The following CSPP1 variants were observed in gnomAD, a reference collection of about 807,000 sequenced individuals.
CSPP1 encodes the protein centrosome and spindle pole associated protein 1, also known as centrosome and spindle pole-associated protein 1.
Under a neutral mutation model 164.4 loss-of-function variants are expected in CSPP1, and 126 were observed. The observed-to-expected ratio is 0.77, with a 90% confidence interval of 0.66 to 0.89. The LOEUF is 0.89. CSPP1 is among the 40% of genes least tolerant of loss of function. CSPP1 has a pLI of 0.00. For missense variants in CSPP1, 1,395 were observed against 1,449.8 expected (o/e 0.96, Z 0.61); for synonymous variants, 472 against 476.7 (o/e 0.99, Z 0.13).
intron 13 of CSPP1, among the ~76,000 whole-genome samples, chr8:67,118,042 TAA>T (rs1401045307): frequency 6.6e-6 from 1 of 152,200 alleles, no homozygotes; most frequent in Non-Finnish European, 1.5e-5. Context: ...TTATCTTACA[TAA>T]ATGTACCTGA....
At chr8:67,126,197 C>A (rs139167906) in intron 15 of CSPP1, among the ~76,000 whole-genome samples, 1,865 of 152,288 alleles carry the variant, frequency 0.012, 41 homozygotes, top group African/African-American at 0.043. Flanking sequence ...GAATAAAAAT[C>A]TTTGTTGATT....
chr8:67,085,990 AGTT>A lies in CSPP1; in HGVS notation c.200-13_200-11del, dbSNP rs766452341. 2.0e-6 allele frequency: 2 copies of A among 1,003,036 alleles called. No homozygotes were observed. Among genetic ancestry groups the A allele is most frequent in the East Asian group, 2.4e-5 (1 of 42,028 alleles). The allele number at this position is 1,003,036 out of a possible 1,614,324, so 62.1% of individuals were successfully genotyped here. A position where few individuals can be genotyped will look rare whatever the true frequency, so the allele number is the denominator to read the frequency against. Reference sequence around the variant, plus strand: ...GGTTTGAAAATGAATTATACTAAGAAGTTGTTTTTTTTCTAGGAATTGATTATG... The same window carrying A: ...GGTTTGAAAATGAATTATACTAAGAAGTTTTTTTTCTAGGAATTGATTATG... On this transcript the variant is annotated splice_polypyrimidine_tract_variant and intron_variant, in intron 3 of 30. Transcript: ENST00000678616.
chr8:67,097,462 A>G (rs1261705803), intron 7 of CSPP1, among the ~76,000 whole-genome samples: 5 of 152,178 alleles, frequency 3.3e-5, no homozygotes, highest in African/African-American at 1.2e-4. Context: ...AAAATTCTCC[A>G]AATCCTATAA....
Position 67,074,297 on chromosome 8 carries a change from A to T in CSPP1, c.45A>T (p.Arg15Ser). The T allele has an allele frequency of 6.2e-7, 1 of 1,611,934 alleles. No individual in the cohort carries two copies. The highest frequency in any genetic ancestry group is 8.5e-7 in the Non-Finnish European group (1 of 1,179,042). Residue 15 changes from arginine (R) to serine (S), a missense_variant, in exon 2 of 31, where the codon AGA becomes AGT. Coordinates refer to ENST00000678616, the MANE Select transcript of CSPP1 (RefSeq NM_001382391.1). The stretch of plus-strand genomic sequence containing the variant: ...AATTTATTGAAGAGCAAAAAGCCAG[A>T]TTGGCCGAAGACAAAGCAGAGTTGG... ...LDEFIEEQKA[R>S]LAEDKAELES...
intron 1 of CSPP1, among the ~76,000 whole-genome samples, chr8:67,072,137 C>G (rs898656503): frequency 6.6e-6 from 1 of 151,918 alleles, no homozygotes; most frequent in East Asian, 1.9e-4. Flanking sequence ...ACAAAAAATA[C>G]AAAAAATTAG....
intron 24 of CSPP1, among the ~76,000 whole-genome samples, chr8:67,168,008 T>C (rs1201385061): frequency 6.6e-6 from 1 of 152,018 alleles, no homozygotes; most frequent in Non-Finnish European, 1.5e-5. Flanking sequence ...CTGGGCAACA[T>C]TGAGCACTGA....
intron 8 of CSPP1, among the ~76,000 whole-genome samples, chr8:67,104,960 ATATATATTTTTTTTT>A (rs1815106526): frequency 1.0e-5 from 1 of 96,040 alleles, no homozygotes; most frequent in South Asian, 3.3e-4. Context: ...ATATATATAT[ATATATATTTTTTTTT>A]TTTTTTTTTT....
Position 67,083,066 on chromosome 8 carries a change from G to A in CSPP1, c.200-2941G>A, listed in dbSNP as rs540422438. Reference sequence around the variant, plus strand: ...CTAATGCCATAAAATGTTGGTACAAGATGACAAAATAAGAATTAAAAAGTT... The same window carrying A: ...CTAATGCCATAAAATGTTGGTACAAAATGACAAAATAAGAATTAAAAAGTT... On this transcript the variant is annotated intron_variant, in intron 3 of 30. Coordinates refer to ENST00000678616, the MANE Select transcript of CSPP1 (RefSeq NM_001382391.1). Among the ~76,000 whole-genome samples the A allele has an allele frequency of 3.3e-5, 5 of 152,170 alleles. No individual in the cohort carries two copies. In the East Asian group the frequency reaches 9.6e-4, roughly 29 times the overall value.
intron 9 of CSPP1, among the ~76,000 whole-genome samples, chr8:67,109,653 C>T (rs1041487334): frequency 6.6e-6 from 1 of 152,094 alleles, no homozygotes; most frequent in African/African-American, 2.4e-5. Context: ...ACTAATGTTG[C>T]AATCTCACAC....
intron 22 of CSPP1, among the ~76,000 whole-genome samples, chr8:67,163,205 C>A (rs987686636): frequency 9.9e-5 from 15 of 152,044 alleles, no homozygotes; most frequent in Non-Finnish European, 2.1e-4. Context: ...AAGCAAAGGC[C>A]ATAGCTGTGT....
intron 7 of CSPP1, among the ~76,000 whole-genome samples, chr8:67,101,942 A>C (rs1254536452): frequency 6.6e-6 from 1 of 152,202 alleles, no homozygotes; most frequent in Non-Finnish European, 1.5e-5. Context: ...TGAAATGCTG[A>C]TTTTCACGGA....
At chr8:67,170,872 C>T (rs1219227174) in intron 24 of CSPP1, among the ~76,000 whole-genome samples, 1 of 151,904 alleles carries the variant, frequency 6.6e-6, no homozygotes, top group Admixed American at 6.5e-5. Context: ...CTGCAAGCTC[C>T]ACCTCCTTGG....
At chr8:67,074,800 A>G (rs1426666265) in intron 2 of CSPP1, 4 of 296,244 alleles carry the variant, frequency 1.4e-5, no homozygotes, top group South Asian at 5.6e-5. Flanking sequence ...TTTTTTTTTG[A>G]GATAGAATCT....
At chr8:67,158,421 A>G in intron 19 of CSPP1, 26 bp from the exon 20 acceptor site, 3 of 1,541,302 alleles carry the variant, frequency 1.9e-6, no homozygotes, top group Non-Finnish European at 2.6e-6. Context: ...GTTTTACAAG[A>G]TAAATAACTA....
chr8:67,136,692 C>T (rs1292678302), intron 16 of CSPP1, among the ~76,000 whole-genome samples: 1 of 152,008 alleles, frequency 6.6e-6, no homozygotes, highest in Admixed American at 6.6e-5. Context: ...GTTGATCCTC[C>T]GACCTCTGAA....
intron 25 of CSPP1, chr8:67,174,767 G>GAA (rs370370213): frequency 2.4e-4 from 24 of 98,524 alleles, no homozygotes; most frequent in Non-Finnish European, 3.3e-4. Context: ...TCCGTCTCAA[G>GAA]AAAAAAAAAA....
At chr8:67,135,495 A>T (rs2129554796) in intron 16 of CSPP1, 1 of 152,164 alleles carries the variant, frequency 6.6e-6, no homozygotes, top group South Asian at 2.1e-4. Context: ...GCTTTCCCTC[A>T]ACTTCATGAA....
At chr8:67,067,538 A>G (rs888718928) in intron 1 of CSPP1, among the ~76,000 whole-genome samples, 1 of 152,068 alleles carries the variant, frequency 6.6e-6, no homozygotes, top group East Asian at 1.9e-4. Flanking sequence ...ATCTCAGCTC[A>G]CTGCAAGCTC....
chr8:67,168,232 G>A (rs1291013064), intron 24 of CSPP1, among the ~76,000 whole-genome samples: 1 of 151,564 alleles, frequency 6.6e-6, no homozygotes, highest in Admixed American at 6.6e-5. Context: ...GTTGCAGTGA[G>A]CCGAGATGGC....
Sources: allele counts gnomAD v4.1 joint callset (sites outside exome capture counted in the v4.1 genomes callset), GRCh38; gene constraint gnomAD v4.1.1; transcripts MANE v1.5; gene names NCBI Gene and HGNC (gene_info 2026-07-23, HGNC 2026-07-21).